The following PTBP1 variants were observed in gnomAD, a reference collection of about 807,000 sequenced individuals.
The protein encoded by PTBP1 is polypyrimidine tract-binding protein 1.
In PTBP1, 8 loss-of-function variants were observed where a neutral mutation model predicts 59.8. The ratio of observed to expected loss-of-function variants is 0.13; its 90% CI spans 0.08 to 0.24. The LOEUF (loss-of-function observed/expected upper bound fraction) is 0.24. Ranked by LOEUF, PTBP1 falls within the 10% of genes least tolerant of loss-of-function variation. The pLI is 1.00. For synonymous variants in PTBP1, 490 were observed against 320.7 expected (o/e 1.53, Z -5.64); for missense variants, 686 against 767.0 (o/e 0.89, Z 1.25).
In PTBP1 at chr19:811,731, T is replaced by G. The variant is rs2034886061; in HGVS notation, c.*905T>G. 6.6e-6 allele frequency: 1 copy of G among 152,416 alleles called. No individual in the cohort carries two copies. The highest frequency in any genetic ancestry group is 2.1e-4 in the South Asian group (1 of 4,834). 9.4% of individuals were successfully genotyped at this position (152,416 alleles called of 1,614,324 possible). ...GGTCCTATCTTAGAGCCCCTGAGCT[T>G]CAGGGAAGGGGCGGGCGTGTCGCCG... On this transcript the variant is annotated 3_prime_UTR_variant, in exon 15 of 15. Coordinates refer to ENST00000356948, the MANE Select transcript of PTBP1 (RefSeq NM_002819.5).
intron 9 of PTBP1, 138 bp downstream of exon 9, chr19:805,707 A>T (rs11549877): frequency 0.1 from 77,319 of 751,556 alleles, 4,654 homozygotes; most frequent in Non-Finnish European, 0.12. Flanking sequence ...GGGAGAGGGG[A>T]CGCCACGTCC....
rs2034871002 is a variant in PTBP1, at chr19:811,479, C to T, written c.*653C>T. 6.6e-6 allele frequency: 1 copy of T among 152,502 alleles called. No homozygotes were observed. Among genetic ancestry groups the T allele is most frequent in the Non-Finnish European group, 1.5e-5 (1 of 68,048 alleles). The allele number at this position is 152,502 out of a possible 1,614,324, so 9.4% of individuals were successfully genotyped here. On this transcript the variant is annotated 3_prime_UTR_variant, in exon 15 of 15. Coordinates refer to ENST00000356948, the MANE Select transcript of PTBP1 (RefSeq NM_002819.5). ...AGACGTCTGTGCCTAGCAATATTTC[C>T]AGTTGACCAAATATTCTAATCTTTT... is the stretch of plus-strand genomic sequence containing the variant.
chr19:808,811 CTGCT>C lies in PTBP1; in HGVS notation c.1463+52_1463+55del, dbSNP rs2034707487. 6.5e-7 allele frequency: 1 copy of C among 1,541,260 alleles called. No homozygotes were observed. Among genetic ancestry groups the C allele is most frequent in the African/African-American group, 1.4e-5 (1 of 73,094 alleles). On this transcript the variant is annotated intron_variant, in intron 13 of 14. Transcript: ENST00000356948. This position sits in a 1 kb window ranked among gnomAD's most constrained non-coding sequence, Gnocchi z 4.7. ...ATGGGGCCGGGGGCGGGCAAGGGCT[CTGCT>C]TGGCTGTCCTACCGCGTCGGTGTGT... is the stretch of plus-strand genomic sequence containing the variant.
At chr19:810,413 T>A (rs1400187647) in intron 13 of PTBP1, 130 bp from the exon 14 acceptor site, 1 of 679,638 alleles carries the variant, frequency 1.5e-6, no homozygotes. Flanking sequence ...GATACCCCAT[T>A]TCTGGGCTCC....
chr19:808,831 GTCGGTGTGTGGACT>G lies in PTBP1; in HGVS notation c.1463+72_1463+85del. On this transcript the variant is annotated intron_variant, in intron 13 of 14. Coordinates refer to ENST00000356948, the MANE Select transcript of PTBP1 (RefSeq NM_002819.5). This position sits in a 1 kb window ranked among gnomAD's most constrained non-coding sequence, Gnocchi z 4.7. ...GGGCTCTGCTTGGCTGTCCTACCGC[GTCGGTGTGTGGACT>G]TCTGGCGTTTCCAGAGTGCAGGTCG... is the stretch of plus-strand genomic sequence containing the variant. 1 of 1,432,446 alleles carries G rather than the reference GTCGGTGTGTGGACT, an allele frequency of 7.0e-7. No homozygotes were observed. The highest frequency in any genetic ancestry group is 9.6e-7 in the Non-Finnish European group (1 of 1,039,592). 88.7% of individuals were successfully genotyped at this position (1,432,446 alleles called of 1,614,324 possible). A position where few individuals can be genotyped will look rare whatever the true frequency, so the allele number is the denominator to read the frequency against.
rs779196642 is a variant in PTBP1, at chr19:804,566, T to C, written c.470T>C (p.Val157Ala). The change falls in exon 6 of 15, where the codon GTC (valine) becomes GCC (alanine). Residue 157 changes from valine (V) to alanine (A), a missense_variant. Val to Ala is a moderately conservative substitution (Grantham distance 64, BLOSUM62 0). Coordinates refer to ENST00000356948, the MANE Select transcript of PTBP1 (RefSeq NM_002819.5). ...GCGGCCCTGCAGGCGGTGAACTCGG[T>C]CCAGTCGGGGAACCTGGCCTTGGCT... ...AQAALQAVNS[V>A]QSGNLALAAS... 5.0e-6 allele frequency: 8 copies of C among 1,608,698 alleles called. No homozygotes were observed. Among genetic ancestry groups the C allele is most frequent in the Non-Finnish European group, 5.1e-6 (6 of 1,178,962 alleles).
chr19:809,892 C>T (rs910550169), intron 13 of PTBP1, among the ~76,000 whole-genome samples: 4 of 152,094 alleles, frequency 2.6e-5, no homozygotes, highest in African/African-American at 4.8e-5. Context: ...CAGAGTAAGA[C>T]CCTGTCTGTA....
chr19:799,499 C>CG, intron 2 of PTBP1, 56 bp downstream of exon 2: 2 of 1,569,326 alleles, frequency 1.3e-6, no homozygotes, highest in Non-Finnish European at 1.8e-6. Context: ...GTGCCGACCC[C>CG]GGGGGCCACC....
chr19:802,220 C>T (rs111415127), intron 2 of PTBP1, among the ~76,000 whole-genome samples: 1,885 of 152,290 alleles, frequency 0.012, 40 homozygotes, highest in African/African-American at 0.043. Context: ...AGGCTCTTGC[C>T]GTCCGCGTCG....
Position 805,379 on chromosome 19 carries a change from G to T in PTBP1, c.893-113G>T, listed in dbSNP as rs1490781889. On this transcript the variant is annotated intron_variant, in intron 8 of 14. Coordinates refer to ENST00000356948, the MANE Select transcript of PTBP1 (RefSeq NM_002819.5). Reference sequence around the variant, plus strand: ...CCCCCCTGGAGCAGCGGATCTGCCCGCGAAGGCTCTGCCGGGGCCGCCCGC... The same window carrying T: ...CCCCCCTGGAGCAGCGGATCTGCCCTCGAAGGCTCTGCCGGGGCCGCCCGC... 4.0e-6 allele frequency: 5 copies of T among 1,243,970 alleles called. No homozygotes were observed. The African/African-American group carries it at 4.5e-5, about 11-fold the overall frequency. The allele number at this position is 1,243,970 out of a possible 1,614,324, so 77.1% of individuals were successfully genotyped here.
chr19:809,197 CGG>C (rs1568275440), intron 13 of PTBP1, among the ~76,000 whole-genome samples: 1 of 151,904 alleles, frequency 6.6e-6, no homozygotes, highest in Non-Finnish European at 1.5e-5. Context: ...TTAGTAGAGA[CGG>C]GGTTTCACCA....
chr19:808,317 G>GCAGGCAGCAGGAGACT lies in PTBP1; in HGVS notation c.1154-37_1154-22dup, dbSNP rs1348218176. The GCAGGCAGCAGGAGACT allele has an allele frequency of 1.4e-6, 2 of 1,479,610 alleles. No individual in the cohort carries two copies. The highest frequency in any genetic ancestry group is 1.9e-6 in the Non-Finnish European group (2 of 1,080,542). The allele number at this position is 1,479,610 out of a possible 1,614,324, so 91.7% of individuals were successfully genotyped here. ...CGGGGCTGACGGGGAGATGGGCGGG[G>GCAGGCAGCAGGAGACT]CAGGCAGCAGGAGACTCAGGCCCCA... is the stretch of plus-strand genomic sequence containing the variant. On this transcript the variant is annotated intron_variant, in intron 11 of 14. Coordinates refer to ENST00000356948, the MANE Select transcript of PTBP1 (RefSeq NM_002819.5). The surrounding 1 kb of genome is among the most constrained non-coding windows in gnomAD (Gnocchi z 4.7).
chr19:810,634 G>C lies in PTBP1; in HGVS notation c.1541+14G>C. On this transcript the variant is annotated intron_variant, in intron 14 of 14. Coordinates refer to ENST00000356948, the MANE Select transcript of PTBP1 (RefSeq NM_002819.5). Reference sequence around the variant, plus strand: ...CAAGTTCTTCCAGTGAGTATGAGGCGGGCTGTCCCTGGCTCTCCCCAGGCT... The same window carrying C: ...CAAGTTCTTCCAGTGAGTATGAGGCCGGCTGTCCCTGGCTCTCCCCAGGCT... 1 of 1,612,856 alleles carries C rather than the reference G, an allele frequency of 6.2e-7. No individual in the cohort carries two copies. The highest frequency in any genetic ancestry group is 8.5e-7 in the Non-Finnish European group (1 of 1,179,642).
At chr19:803,900 G>T (rs1026260051) in intron 3 of PTBP1, 136 bp from the exon 4 acceptor site, 4 of 1,056,826 alleles carry the variant, frequency 3.8e-6, no homozygotes, top group Admixed American at 2.2e-5. Flanking sequence ...GGCCTCTCGC[G>T]CTGCTGGTTC....
rs899791801 is a variant in PTBP1 at position 808,284 on chromosome 19, C to T, written c.1154-76C>T. On this transcript the variant is annotated intron_variant, in intron 11 of 14. Transcript: ENST00000356948. This position sits in a 1 kb window ranked among gnomAD's most constrained non-coding sequence, Gnocchi z 4.7. The stretch of plus-strand genomic sequence containing the variant: ...GGCTGAGCCGGGCCTTGTGGGGGTG[C>T]GCGGGGCCGGGGCTGACGGGGAGAT... 54 of 1,254,944 alleles carry T rather than the reference C, an allele frequency of 4.3e-5. No homozygotes were observed. Among genetic ancestry groups the T allele is most frequent in the South Asian group, 1.7e-4 (13 of 77,250 alleles). The allele number at this position is 1,254,944 out of a possible 1,614,324, so 77.7% of individuals were successfully genotyped here.
chr19:802,762 C>T (rs2034391629), intron 2 of PTBP1, among the ~76,000 whole-genome samples: 2 of 152,228 alleles, frequency 1.3e-5, no homozygotes, highest in Admixed American at 1.3e-4. Context: ...TGTCTTCAAT[C>T]CTTGCAGCGG....
In PTBP1 at chr19:810,703, C is replaced by T. The variant is rs11549888; in HGVS notation, c.1551C>T (p.Arg517=). ...VKGFKFFQKD[R]KMALIQMGSV... ...ACCCCCTGTCTTGCAGGAAGGACCG[C>T]AAGATGGCACTGATCCAGATGGGCT... Residue 517 remains arginine, a synonymous_variant, in exon 15 of 15, where the codon CGC becomes CGT. Transcript: ENST00000356948. The T allele has an allele frequency of 6.2e-7, 1 of 1,611,618 alleles. No individual in the cohort carries two copies. The highest frequency in any genetic ancestry group is 2.2e-5 in the East Asian group (1 of 44,704).
At position 808,225 on chromosome 19, in the gene PTBP1, A is replaced by G. The variant is rs886678145; in HGVS notation, c.1154-135A>G. 7 of 733,012 alleles carry G rather than the reference A, an allele frequency of 9.5e-6. No homozygotes were observed. Among genetic ancestry groups the G allele is most frequent in the Non-Finnish European group, 1.6e-5 (7 of 430,100 alleles). The allele number at this position is 733,012 out of a possible 1,614,324, so 45.4% of individuals were successfully genotyped here. On this transcript the variant is annotated intron_variant, in intron 11 of 14. Transcript: ENST00000356948. This position sits in a 1 kb window ranked among gnomAD's most constrained non-coding sequence, Gnocchi z 4.7. The stretch of plus-strand genomic sequence containing the variant: ...AGCGCGCCCTGTGGCTGCGAGACGC[A>G]GCTCCGCAGTGGCCGATAAAGCAAA...
In PTBP1 at chr19:799,405, C is replaced by G. The variant is rs1378140141; in HGVS notation, c.9-8C>G. 7 of 1,613,820 alleles carry G rather than the reference C, an allele frequency of 4.3e-6. No individual in the cohort carries two copies. Among genetic ancestry groups the G allele is most frequent in the Middle Eastern group, 1.7e-4 (1 of 6,056 alleles). ...GGCTAACGTTGTCTCCTTTCTTTCT[C>G]TCTACAGCATTGTCCCAGATATAGC... On this transcript the variant is annotated splice_polypyrimidine_tract_variant and splice_region_variant and intron_variant, in intron 1 of 14. Transcript: ENST00000356948.
Sources: gnomAD v4.1 joint callset for allele counts (sites outside exome capture counted in the v4.1 genomes callset) on GRCh38, gnomAD v4.1.1 for gene constraint, Gnocchi (gnomAD v3.1) non-coding constraint, MANE v1.5 for transcripts, NCBI Gene and HGNC (gene_info 2026-07-23, HGNC 2026-07-21) for gene names.